Variants in FRMD3 observed in about 807,000 individuals in gnomAD.
The protein encoded by FRMD3 is FERM domain containing 3.
Under a neutral mutation model 70.2 loss-of-function variants are expected in FRMD3, and 33 were observed. The ratio of observed to expected loss-of-function variants is 0.47; its 90% CI spans 0.36 to 0.63. The LOEUF is 0.63. Ranked by LOEUF, FRMD3 falls within the 20% of genes least tolerant of loss-of-function variation. FRMD3 has a pLI of 0.00. For synonymous variants in FRMD3, 279 were observed against 255.9 expected, an observed-to-expected ratio of 1.09 and a Z score of -0.86; for missense variants, 632 against 711.4, an observed-to-expected ratio of 0.89 and a Z score of 1.27.
chr9:83,340,460 G>A (rs754978842), intron 5 of FRMD3, among the ~76,000 whole-genome samples: 5 of 152,200 alleles, frequency 3.3e-5, no homozygotes, highest in Non-Finnish European at 5.9e-5. Flanking sequence ...GCTTTAGCTC[G>A]AGTGGTCCAG....
chr9:83,416,499 C>A (rs1037888677), intron 1 of FRMD3, among the ~76,000 whole-genome samples: 3 of 152,218 alleles, frequency 2.0e-5, no homozygotes, highest in Non-Finnish European at 2.9e-5. Flanking sequence ...AACAAAGACT[C>A]ATGTGAACAG....
chr9:83,479,653 AAGGAAGGAAG>A (rs1828493642), intron 1 of FRMD3, among the ~76,000 whole-genome samples: 1 of 49,338 alleles, frequency 2.0e-5, no homozygotes, highest in Non-Finnish European at 3.8e-5. Flanking sequence ...GGAAGGAAGG[AAGGAAGGAAG>A]GAAGGAAGGA....
chr9:83,347,743 A>G (rs1343759877), intron 4 of FRMD3, among the ~76,000 whole-genome samples: 1 of 152,236 alleles, frequency 6.6e-6, no homozygotes, highest in African/African-American at 2.4e-5. Flanking sequence ...ATAAAATAAC[A>G]ATTTATCATA....
chr9:83,461,702 T>C (rs1285873939), intron 1 of FRMD3, among the ~76,000 whole-genome samples: 1 of 82,836 alleles, frequency 1.2e-5, no homozygotes, highest in Non-Finnish European at 2.3e-5. Flanking sequence ...TTTTTTTTTT[T>C]TTTTGAGATG....
chr9:83,407,469 C>T (rs1394796047), intron 1 of FRMD3, among the ~76,000 whole-genome samples: 1 of 152,110 alleles, frequency 6.6e-6, no homozygotes, highest in African/African-American at 2.4e-5. Context: ...CCCCAGCCTC[C>T]ACTCCCACTT....
intron 1 of FRMD3, among the ~76,000 whole-genome samples, chr9:83,413,399 G>A (rs1312835116): frequency 2.0e-5 from 3 of 152,174 alleles, no homozygotes; most frequent in African/African-American, 7.2e-5. Context: ...ATCCATACAC[G>A]AGGGAGTCAT....
At chr9:83,293,022 T>C (rs1482838454) in intron 12 of FRMD3, among the ~76,000 whole-genome samples, 2 of 152,118 alleles carry the variant, frequency 1.3e-5, no homozygotes, top group Admixed American at 1.3e-4. Context: ...CAGGGTCCCA[T>C]GGGAGCACAA....
At chr9:83,469,933 C>T (rs1416512213) in intron 1 of FRMD3, among the ~76,000 whole-genome samples, 1 of 152,162 alleles carries the variant, frequency 6.6e-6, no homozygotes, top group Admixed American at 6.5e-5. Flanking sequence ...TTCCCTAGAG[C>T]TGTATAAAAG....
At chr9:83,491,894 G>C (rs1828834695) in intron 1 of FRMD3, among the ~76,000 whole-genome samples, 1 of 152,208 alleles carries the variant, frequency 6.6e-6, no homozygotes, top group African/African-American at 2.4e-5. Flanking sequence ...ACCCTGGGGA[G>C]GAGAAAACAA....
At chr9:83,400,156 A>C (rs1278145904) in intron 1 of FRMD3, among the ~76,000 whole-genome samples, 1 of 152,046 alleles carries the variant, frequency 6.6e-6, no homozygotes, top group Non-Finnish European at 1.5e-5. Context: ...AGAATCTACC[A>C]AAAAAACCCA....
chr9:83,296,580 G>C (rs2119005484), intron 12 of FRMD3, among the ~76,000 whole-genome samples: 1 of 152,258 alleles, frequency 6.6e-6, no homozygotes, highest in South Asian at 2.1e-4. Context: ...AACCATGGAG[G>C]CATCCTAAGG....
chr9:83,490,341 G>T (rs1389766958), intron 1 of FRMD3, among the ~76,000 whole-genome samples: 1 of 146,724 alleles, frequency 6.8e-6, no homozygotes, highest in Non-Finnish European at 1.5e-5. Context: ...CCAGGGTGGA[G>T]TGCCAATGGC....
intron 13 of FRMD3, among the ~76,000 whole-genome samples, chr9:83,270,527 G>C (rs903427185): frequency 6.6e-6 from 1 of 152,224 alleles, no homozygotes; most frequent in Non-Finnish European, 1.5e-5. Flanking sequence ...GGAAATGAGA[G>C]ATACATATCA....
At chr9:83,546,883 T>A in the FRMD3 span, among the ~76,000 whole-genome samples, 1 of 7,766 alleles carries the variant, frequency 1.3e-4, no homozygotes, top group Non-Finnish European at 5.0e-4. Context: ...AGAGTGAGAC[T>A]CTGTCTCAAA....
At chr9:83,484,792 A>T (rs767250985) in intron 1 of FRMD3, among the ~76,000 whole-genome samples, 1 of 152,244 alleles carries the variant, frequency 6.6e-6, no homozygotes, top group Non-Finnish European at 1.5e-5. Context: ...GCAAAAGAGA[A>T]ATGATGCCAG....
intron 2 of FRMD3, among the ~76,000 whole-genome samples, chr9:83,382,936 G>A (rs150787756): frequency 1.4e-3 from 214 of 152,132 alleles, no homozygotes; most frequent in Non-Finnish European, 1.2e-3. Context: ...AACTCAAAAC[G>A]TTCAGAACTT....
At chr9:83,286,402 G>C (rs1377873913) in intron 13 of FRMD3, among the ~76,000 whole-genome samples, 1 of 151,654 alleles carries the variant, frequency 6.6e-6, no homozygotes, top group Non-Finnish European at 1.5e-5. Flanking sequence ...CATGATCTCA[G>C]CTCACTGCAA....
intron 1 of FRMD3, among the ~76,000 whole-genome samples, chr9:83,396,446 G>A (rs972458663): frequency 6.6e-6 from 1 of 152,258 alleles, no homozygotes; most frequent in Admixed American, 6.5e-5. Context: ...ACACATGCAC[G>A]CACACACATG....
At chr9:83,244,286 C>T (rs565017880), downstream of FRMD3, among the ~76,000 whole-genome samples, 2 of 152,284 alleles carry the variant, frequency 1.3e-5, no homozygotes, top group African/African-American at 4.8e-5. Context: ...ATATTAATTT[C>T]TAGCACTCTG....
Sources: allele counts gnomAD v4.1 joint callset (sites outside exome capture counted in the v4.1 genomes callset), GRCh38; gene constraint gnomAD v4.1.1; transcripts MANE v1.5; gene names NCBI Gene and HGNC (gene_info 2026-07-23, HGNC 2026-07-21).